The following CNOT1 variants were observed in gnomAD, a reference collection of about 807,000 sequenced individuals.
CNOT1 encodes the protein CCR4-NOT transcription complex subunit 1.
Under a neutral mutation model 273.8 loss-of-function variants are expected in CNOT1, and 15 were observed. The ratio of observed to expected loss-of-function variants is 0.05; its 90% CI spans 0.04 to 0.08. CNOT1 has a LOEUF of 0.08. CNOT1 is among the 10% of genes least tolerant of loss of function. CNOT1 has a pLI of 1.00. For missense variants in CNOT1, 1,644 were observed against 2,912.2 expected (o/e 0.56, Z 10.02); for synonymous variants, 1,022 against 1,005.5 (o/e 1.02, Z -0.31).
At chr16:58,578,592 A>C in intron 13 of CNOT1, 107 bp downstream of exon 13, 1 of 1,486,752 alleles carries the variant, frequency 6.7e-7, no homozygotes, top group Admixed American at 2.2e-5. Flanking sequence ...TAAAGTCATA[A>C]TAATTCAGAG....
rs754221963 is a variant in CNOT1, at chr16:58,542,559, G to C, written c.4444C>G (p.Pro1482Ala). ...SFASALRTAS[P>A]QQREMMDQAA... ...TGATCCATCATTTCTCTTTGTTGTG[G>C]GGAAGCAGTCTATTAATGGAGGTGG... The change falls in exon 32 of 49, where the codon CCA (proline) becomes GCA (alanine). Residue 1482 changes from proline to alanine, a missense_variant. Coordinates refer to ENST00000317147, the MANE Select transcript of CNOT1 (RefSeq NM_016284.5). 2 of 1,085,920 alleles carry C rather than the reference G, an allele frequency of 1.8e-6. No individual in the cohort carries two copies. Among genetic ancestry groups the C allele is most frequent in the Non-Finnish European group, 2.6e-6 (2 of 775,296 alleles). 67.3% of individuals were successfully genotyped at this position (1,085,920 alleles called of 1,614,324 possible). A position where few individuals can be genotyped will look rare whatever the true frequency, so the allele number is the denominator to read the frequency against.
At chr16:58,552,579 C>T (rs906533830) in intron 22 of CNOT1, among the ~76,000 whole-genome samples, 1 of 152,140 alleles carries the variant, frequency 6.6e-6, no homozygotes, top group Admixed American at 6.5e-5. Flanking sequence ...TCTCAATCCA[C>T]TCACTTGAAT....
At chr16:58,560,526 G>C (rs201471415) in intron 16 of CNOT1, among the ~76,000 whole-genome samples, 164 bp from the exon 17 acceptor site, 3 of 151,772 alleles carry the variant, frequency 2.0e-5, no homozygotes, top group East Asian at 3.9e-4. Context: ...TCTGCCCCCC[G>C]GGTTCAAGCG....
At chr16:58,587,641 G>T in intron 4 of CNOT1, 139 bp downstream of exon 4, 1 of 1,130,306 alleles carries the variant, frequency 8.8e-7, no homozygotes, top group South Asian at 1.7e-5. Context: ...CCTTGATTTT[G>T]TTACAAACTA....
chr16:58,540,125 T>G, intron 34 of CNOT1, 166 bp from the exon 35 acceptor site: 4 of 652,228 alleles, frequency 6.1e-6, no homozygotes, highest in Non-Finnish European at 1.0e-5. Context: ...CTATTCAGAA[T>G]TAATACCATC....
intron 1 of CNOT1, among the ~76,000 whole-genome samples, chr16:58,618,398 A>C (rs1219514751): frequency 6.6e-6 from 1 of 152,168 alleles, no homozygotes; most frequent in Non-Finnish European, 1.5e-5. Context: ...CCTGGCCAAC[A>C]TGGTAAACCC....
intron 30 of CNOT1, among the ~76,000 whole-genome samples, chr16:58,544,309 A>C (rs1047513233): frequency 6.6e-6 from 1 of 152,214 alleles, no homozygotes; most frequent in African/African-American, 2.4e-5. Context: ...AAAACTATTA[A>C]AATTAATTCA....
At chr16:58,581,011 G>A (rs543140401) in intron 11 of CNOT1, among the ~76,000 whole-genome samples, 1 of 28,142 alleles carries the variant, frequency 3.6e-5, no homozygotes, top group Admixed American at 2.4e-4. Flanking sequence ...GAAACTTAAC[G>A]TTGCCTTGGA....
chr16:58,588,699 C>T (rs1007170804), intron 3 of CNOT1, 100 bp downstream of exon 3: 51 of 1,420,672 alleles, frequency 3.6e-5, no homozygotes, highest in Non-Finnish European at 4.4e-5. Context: ...CAATCACTTC[C>T]GGATGCTATT....
At chr16:58,551,371 T>C in intron 23 of CNOT1, 99 bp from the exon 24 acceptor site, 3 of 1,298,046 alleles carry the variant, frequency 2.3e-6, no homozygotes, top group South Asian at 1.5e-5. Context: ...AAAATACACA[T>C]GGTATGACTG....
At chr16:58,557,484 C>T (rs112427957) in intron 18 of CNOT1, among the ~76,000 whole-genome samples, 21 of 152,010 alleles carry the variant, frequency 1.4e-4, no homozygotes, top group African/African-American at 4.8e-4. Context: ...ATGAATTAAT[C>T]AAAGCTAGAA....
intron 2 of CNOT1, among the ~76,000 whole-genome samples, chr16:58,591,615 G>A (rs1475063132): frequency 1.3e-5 from 2 of 152,006 alleles, no homozygotes; most frequent in African/African-American, 2.4e-5. Flanking sequence ...TTAGCCGGAC[G>A]TGGCGGCATG....
At chr16:58,540,039 C>A in intron 34 of CNOT1, 80 bp from the exon 35 acceptor site, 1 of 1,421,010 alleles carries the variant, frequency 7.0e-7, no homozygotes, top group South Asian at 1.4e-5. Flanking sequence ...AAATAGAGGT[C>A]TACTAGTATG....
chr16:58,602,566 A>AAC (rs369299134), intron 1 of CNOT1, among the ~76,000 whole-genome samples: 6,940 of 148,036 alleles, frequency 0.047, 260 homozygotes, highest in Middle Eastern at 0.077. Context: ...AAAAAAAAAA[A>AAC]AAAAAAAAAA....
At position 58,553,773 on chromosome 16, in the gene CNOT1, G is replaced by C. The variant is rs2040536624; in HGVS notation, c.2970+9C>G. The C allele has an allele frequency of 6.2e-7, 1 of 1,607,624 alleles. No individual in the cohort carries two copies. On this transcript the variant is annotated intron_variant, in intron 22 of 48. Transcript: ENST00000317147. The stretch of plus-strand genomic sequence containing the variant: ...AGCTATTTGGGTTTTAGTTACAGAG[G>C]GCACTTACCTCCTGTAAATGATGTG...
At chr16:58,621,083 A>G (rs1272646091) in intron 1 of CNOT1, among the ~76,000 whole-genome samples, 1 of 151,586 alleles carries the variant, frequency 6.6e-6, no homozygotes, top group Non-Finnish European at 1.5e-5. Context: ...ATCACAGCCC[A>G]CTGCAGCCTC....
chr16:58,525,461 A>G (rs908346674), intron 45 of CNOT1, 102 bp from the exon 46 acceptor site: 1 of 950,918 alleles, frequency 1.1e-6, no homozygotes, highest in Admixed American at 2.3e-5. Flanking sequence ...GGAAAGGCCA[A>G]ACATTTATTG....
intron 17 of CNOT1, among the ~76,000 whole-genome samples, chr16:58,559,000 C>T (rs2040738422): frequency 6.6e-6 from 1 of 152,214 alleles, no homozygotes; most frequent in Admixed American, 6.5e-5. Context: ...CTAACAATCC[C>T]ATCATGGGGA....
At chr16:58,627,641 C>G (rs1368948018) in intron 1 of CNOT1, among the ~76,000 whole-genome samples, 2 of 150,894 alleles carry the variant, frequency 1.3e-5, no homozygotes, top group Non-Finnish European at 2.9e-5. Flanking sequence ...ATCTAAACCC[C>G]GAAGAGAAAT....
Sources: gnomAD v4.1 joint callset for allele counts (sites outside exome capture counted in the v4.1 genomes callset) on GRCh38, gnomAD v4.1.1 for gene constraint, MANE v1.5 for transcripts, NCBI Gene and HGNC (gene_info 2026-07-23, HGNC 2026-07-21) for gene names.